The following TRERF1 variants were observed in gnomAD, a reference collection of about 807,000 sequenced individuals.
TRERF1 encodes transcriptional-regulating factor 1.
A neutral mutation model predicts 122.9 loss-of-function variants in TRERF1; 27 were observed. That is an observed-to-expected ratio of 0.22 (90% CI 0.16 to 0.30). TRERF1 has a LOEUF of 0.30. Among genes scored for constraint, TRERF1 ranks in the 10% least tolerant of loss-of-function variants. The probability of loss-of-function intolerance (pLI) is 1.00; values close to 1 mark genes in which losing one functional copy is unlikely to be tolerated. For missense variants in TRERF1, 1,248 were observed against 1,560.3 expected (o/e 0.80, Z 3.37); for synonymous variants, 636 against 641.7 (o/e 0.99, Z 0.13).
chr6:42,343,337 C>A (rs1767651141), intron 3 of TRERF1, among the ~76,000 whole-genome samples: 1 of 152,164 alleles, frequency 6.6e-6, no homozygotes, highest in Non-Finnish European at 1.5e-5. Context: ...GTTAGACTCC[C>A]AGGTCAGCCC....
At chr6:42,250,286 A>G (rs898289267) in intron 13 of TRERF1, among the ~76,000 whole-genome samples, 1 of 152,218 alleles carries the variant, frequency 6.6e-6, no homozygotes, top group African/African-American at 2.4e-5. Context: ...ATATGTGGAC[A>G]GTGGCATCCA....
At chr6:42,403,379 G>A (rs752262971) in intron 2 of TRERF1, among the ~76,000 whole-genome samples, 10 of 152,084 alleles carry the variant, frequency 6.6e-5, no homozygotes, top group Non-Finnish European at 1.5e-4. Flanking sequence ...TTTATAAAAA[G>A]AGAAAATAGC....
In TRERF1 at chr6:42,259,529, G is replaced by A. The variant is rs777272561; in HGVS notation, c.2079C>T (p.Leu693=). The change falls in exon 9 of 18, where the codon CTC becomes CTT. Residue 693 remains leucine (L), a synonymous_variant. Transcript: ENST00000372922. The surrounding 1 kb of genome is among the most constrained non-coding windows in gnomAD (Gnocchi z 4.9). ...TGGGGTCCAGGAGCAGGTGGTCCCC[G>A]AGGACGCGCGGGGAGCGCAGCTGGC... is the stretch of plus-strand genomic sequence containing the variant. 9.3e-6 allele frequency: 15 copies of A among 1,613,266 alleles called. No individual in the cohort carries two copies. The Admixed American group carries it at 1.5e-4, about 16-fold the overall frequency.
exon 18 of TRERF1, chr6:42,225,958 A>G (rs1769445992): frequency 6.6e-6 from 1 of 152,234 alleles, no homozygotes; most frequent in South Asian, 2.1e-4. Context: ...CATTAGGAAG[A>G]AAAGATCTTT....
At chr6:42,266,176 CCT>C (rs1301894215) in intron 5 of TRERF1, among the ~76,000 whole-genome samples, 1 of 150,190 alleles carries the variant, frequency 6.7e-6, no homozygotes, top group Non-Finnish European at 1.5e-5. Context: ...CAGGAGACCC[CCT>C]GATGGAATTC....
At chr6:42,262,466 G>GAAACA (rs747014228) in intron 8 of TRERF1, among the ~76,000 whole-genome samples, 2 of 6,394 alleles carry the variant, frequency 3.1e-4, no homozygotes, top group African/African-American at 8.3e-4. Context: ...GAGAGAGAGA[G>GAAACA]GAGAGAGAGA....
At chr6:42,314,519 C>T (rs925371214) in intron 3 of TRERF1, among the ~76,000 whole-genome samples, 58 of 152,214 alleles carry the variant, frequency 3.8e-4, no homozygotes, top group African/African-American at 1.2e-3. Flanking sequence ...GTGACTGGCA[C>T]GCAACAGTGA....
chr6:42,425,014 C>T (rs983169290), intron 2 of TRERF1, among the ~76,000 whole-genome samples: 1 of 152,080 alleles, frequency 6.6e-6, no homozygotes, highest in African/African-American at 2.4e-5. Context: ...CAAGTTCTGA[C>T]CTGATTTTAT....
intron 2 of TRERF1, among the ~76,000 whole-genome samples, chr6:42,412,841 G>C (rs1781306070): frequency 6.6e-6 from 1 of 152,164 alleles, no homozygotes; most frequent in Non-Finnish European, 1.5e-5. Context: ...AGCTACTAGG[G>C]AGGCTGAGGT....
intron 4 of TRERF1, among the ~76,000 whole-genome samples, chr6:42,277,974 A>AGAAGAAGAAGAAGAAGAAGAAG (rs1161319382): frequency 1.4e-5 from 2 of 147,002 alleles, no homozygotes; most frequent in Admixed American, 6.8e-5. Flanking sequence ...AAGAAGAAGA[A>AGAAGAAGAAGAAGAAGAAGAAG]GACTGCAATA....
intron 13 of TRERF1, among the ~76,000 whole-genome samples, chr6:42,252,038 C>T (rs1271025205): frequency 6.6e-6 from 1 of 152,234 alleles, no homozygotes; most frequent in African/African-American, 2.4e-5. Context: ...CACACAACTG[C>T]TAACCACACA....
rs551404995 is a variant in TRERF1 at position 42,266,613 on chromosome 6, C to A, written c.1438-816G>T. ...CAAGGGGAAGTTCATCTCTGGCCTT[C>A]AACCTCCATCAGAACTTTCTTTCTA... On this transcript the variant is annotated intron_variant, in intron 5 of 17. Coordinates refer to ENST00000372922, the Ensembl canonical transcript of TRERF1. 1.1e-3 allele frequency among the ~76,000 whole-genome samples: 164 copies of A among 152,348 alleles called. 2 individuals carry two copies. Among genetic ancestry groups the A allele is most frequent in the African/African-American group, 3.7e-3 (155 of 41,576 alleles).
intron 2 of TRERF1, among the ~76,000 whole-genome samples, chr6:42,375,031 A>T (rs980260006): frequency 6.6e-6 from 1 of 150,946 alleles, no homozygotes; most frequent in African/African-American, 2.4e-5. Context: ...AAAAGACATA[A>T]GCACCAATGT....
intron 4 of TRERF1, among the ~76,000 whole-genome samples, chr6:42,280,113 G>T (rs1180208963): frequency 2.0e-5 from 3 of 151,708 alleles, no homozygotes; most frequent in Admixed American, 2.0e-4. Context: ...TGTAAATACC[G>T]GCGGCGACAC....
chr6:42,427,711 G>C (rs888758526), intron 2 of TRERF1, among the ~76,000 whole-genome samples: 12 of 148,996 alleles, frequency 8.1e-5, no homozygotes, highest in Non-Finnish European at 1.3e-4. Context: ...CACCACACCT[G>C]GCTAATCTTT....
chr6:42,403,443 G>A (rs747302421), intron 2 of TRERF1, among the ~76,000 whole-genome samples: 9 of 152,018 alleles, frequency 5.9e-5, no homozygotes, highest in Non-Finnish European at 1.3e-4. Context: ...ATGGAGACAG[G>A]GATTGCAGTG....
chr6:42,258,205 A>G lies in TRERF1; in HGVS notation c.2270-4T>C, dbSNP rs755942793. 4.3e-6 allele frequency: 7 copies of G among 1,614,142 alleles called. No homozygotes were observed. The Admixed American group carries it at 5.0e-5, about 12-fold the overall frequency. Reference sequence around the variant, plus strand: ...ACGTTGCTGCCATCGATGCTGTCTAAAACACAAAAATCAGAGGTCACTAGT... The same window carrying G: ...ACGTTGCTGCCATCGATGCTGTCTAGAACACAAAAATCAGAGGTCACTAGT... On this transcript the variant is annotated splice_region_variant and splice_polypyrimidine_tract_variant and intron_variant, in intron 9 of 17. Transcript: ENST00000372922.
intron 3 of TRERF1, among the ~76,000 whole-genome samples, chr6:42,326,082 G>A (rs928282386): frequency 6.6e-6 from 1 of 152,128 alleles, no homozygotes; most frequent in African/African-American, 2.4e-5. Context: ...CACTACCTGG[G>A]TGATGAGTTC....
chr6:42,350,325 C>A (rs1769171441), intron 3 of TRERF1, among the ~76,000 whole-genome samples: 1 of 152,208 alleles, frequency 6.6e-6, no homozygotes, highest in African/African-American at 2.4e-5. Context: ...AGTGACAGAG[C>A]TAAAACTACA....
Sources: allele counts gnomAD v4.1 joint callset (sites outside exome capture counted in the v4.1 genomes callset), GRCh38; gene constraint gnomAD v4.1.1; non-coding constraint Gnocchi (gnomAD v3.1); transcripts MANE v1.5; gene names NCBI Gene and HGNC (gene_info 2026-07-23, HGNC 2026-07-21).